Variants in TMTC2 observed in about 807,000 individuals in gnomAD.
The protein encoded by TMTC2 is transmembrane O-mannosyltransferase targeting cadherins 2, also known as protein O-mannosyl-transferase TMTC2.
TMTC2 carries 43 observed loss-of-function variants against 82.4 expected under a neutral mutation model. The observed-to-expected ratio is 0.52, with a 90% CI of 0.41 to 0.67. The LOEUF (loss-of-function observed/expected upper bound fraction) is 0.67, where lower values mean the gene tolerates loss of function less well. Among genes scored for constraint, TMTC2 ranks in the 30% least tolerant of loss-of-function variants. The pLI is 0.00. For missense variants in TMTC2, 919 were observed against 1,012.4 expected (o/e 0.91, Z 1.25); for synonymous variants, 408 against 381.9 (o/e 1.07, Z -0.80).
At chr12:82,976,940 G>T (rs1878701721) in intron 7 of TMTC2, among the ~76,000 whole-genome samples, 1 of 151,994 alleles carries the variant, frequency 6.6e-6, no homozygotes, top group African/African-American at 2.4e-5. Context: ...TCAGGTATTT[G>T]TCAGCTATTT....
intron 1 of TMTC2, among the ~76,000 whole-genome samples, chr12:82,745,157 G>T (rs371216108): frequency 6.6e-6 from 1 of 152,034 alleles, no homozygotes; most frequent in South Asian, 2.1e-4. Context: ...CCTTCTCTTC[G>T]TGTGTGTGCC....
At chr12:82,889,284 G>T (rs1232447882) in intron 2 of TMTC2, among the ~76,000 whole-genome samples, 1 of 149,554 alleles carries the variant, frequency 6.7e-6, no homozygotes, top group African/African-American at 2.5e-5. Flanking sequence ...AAAAAAAAAA[G>T]TGTAGGAAAT....
intron 11 of TMTC2, among the ~76,000 whole-genome samples, chr12:83,124,563 CTT>C (rs61668693): frequency 3.0e-4 from 41 of 138,400 alleles, no homozygotes; most frequent in Non-Finnish European, 2.5e-4. Context: ...TTGTTGAAAT[CTT>C]TTTTTTTTTT....
chr12:82,776,615 G>GA (rs750550745), intron 1 of TMTC2, among the ~76,000 whole-genome samples: 15,169 of 87,104 alleles, frequency 0.17, 1,065 homozygotes, highest in Middle Eastern at 0.23. Context: ...TGTCTCTAAT[G>GA]AAAAAAAAAA....
At chr12:82,965,922 A>C in intron 6 of TMTC2, 178 bp downstream of exon 6, 1 of 643,662 alleles carries the variant, frequency 1.6e-6, no homozygotes, top group Admixed American at 3.0e-5. Context: ...TTTTTGATCA[A>C]ATTTGTTTAG....
intron 11 of TMTC2, among the ~76,000 whole-genome samples, chr12:83,089,936 T>A (rs1037285574): frequency 6.6e-6 from 1 of 152,206 alleles, no homozygotes; most frequent in East Asian, 1.9e-4. Flanking sequence ...AGTGCATATA[T>A]CCTATAATTG....
chr12:82,822,810 T>C (rs1869191747), intron 1 of TMTC2, among the ~76,000 whole-genome samples: 1 of 152,172 alleles, frequency 6.6e-6, no homozygotes, highest in Non-Finnish European at 1.5e-5. Flanking sequence ...TCTGGTGTAG[T>C]CATTTTGTGC....
chr12:83,032,155 T>G (rs572255302), intron 9 of TMTC2, among the ~76,000 whole-genome samples: 140 of 149,528 alleles, frequency 9.4e-4, no homozygotes, highest in East Asian at 6.1e-3. Context: ...AAATAGGAGG[T>G]TTTTTTTTCC....
intron 9 of TMTC2, among the ~76,000 whole-genome samples, chr12:83,031,754 A>G (rs1487974600): frequency 6.6e-6 from 1 of 152,230 alleles, no homozygotes; most frequent in Non-Finnish European, 1.5e-5. Flanking sequence ...AGCTAATAAA[A>G]ATAAATCAGT....
chr12:83,125,155 A>G (rs376940896), intron 11 of TMTC2, among the ~76,000 whole-genome samples: 3 of 152,330 alleles, frequency 2.0e-5, no homozygotes, highest in East Asian at 3.9e-4. Flanking sequence ...TGAGACATCC[A>G]TGGAGATCCC....
intron 1 of TMTC2, among the ~76,000 whole-genome samples, chr12:82,728,049 T>C (rs1332957639): frequency 6.6e-6 from 1 of 152,146 alleles, no homozygotes; most frequent in Non-Finnish European, 1.5e-5. Flanking sequence ...CTTCCTCTCT[T>C]ACACTGTTCT....
intron 4 of TMTC2, among the ~76,000 whole-genome samples, chr12:82,957,401 A>C (rs1381471244): frequency 6.6e-6 from 1 of 152,222 alleles, no homozygotes; most frequent in African/African-American, 2.4e-5. Context: ...GAGAAAGTTC[A>C]TAGTCCCAAA....
At chr12:82,699,371 G>A (rs1013542422) in intron 1 of TMTC2, among the ~76,000 whole-genome samples, 2 of 152,188 alleles carry the variant, frequency 1.3e-5, no homozygotes, top group Non-Finnish European at 2.9e-5. Context: ...GCCAACCTGA[G>A]TACTTCTTTC....
chr12:82,819,497 C>CTTTTTTTTTTTT (rs766912583), intron 1 of TMTC2, among the ~76,000 whole-genome samples: 4 of 118,282 alleles, frequency 3.4e-5, no homozygotes, highest in Non-Finnish European at 6.8e-5. Flanking sequence ...TTCTCTCTTT[C>CTTTTTTTTTTTT]TTTTTTTTTT....
chr12:82,926,431 CAG>C (rs1343210545), intron 3 of TMTC2, among the ~76,000 whole-genome samples: 1 of 152,202 alleles, frequency 6.6e-6, no homozygotes, highest in Non-Finnish European at 1.5e-5. Context: ...TTGAAGCTAA[CAG>C]AGATTGCTTC....
chr12:82,889,022 T>C (rs150956339), intron 2 of TMTC2, among the ~76,000 whole-genome samples: 2,950 of 152,232 alleles, frequency 0.019, 56 homozygotes, highest in Non-Finnish European at 0.027. Flanking sequence ...CTCACACGTG[T>C]AATCCCAGAA....
intron 9 of TMTC2, among the ~76,000 whole-genome samples, chr12:83,032,975 A>C (rs750698918): frequency 1.3e-5 from 2 of 152,224 alleles, no homozygotes; most frequent in African/African-American, 2.4e-5. Flanking sequence ...GTATTTTGGC[A>C]TACATACATT....
intron 8 of TMTC2, among the ~76,000 whole-genome samples, chr12:83,004,287 G>A (rs1379480194): frequency 6.6e-6 from 1 of 152,058 alleles, no homozygotes; most frequent in Non-Finnish European, 1.5e-5. Flanking sequence ...TCATTTTACT[G>A]GATTCCCTGG....
rs149173025 is a variant in TMTC2, at chr12:82,873,191, T to A, written c.654+15611T>A. Among the ~76,000 whole-genome samples the A allele has an allele frequency of 1.9e-4, 29 of 149,966 alleles. 2 individuals are homozygous for A. In the East Asian group the frequency reaches 5.4e-3, roughly 28 times the overall value. Reference sequence around the variant, plus strand: ...TTTGGAATGGAATTAAGGATAGGGATTTTGGCCCTGTTTCAAAGATGTTGT... The same window carrying A: ...TTTGGAATGGAATTAAGGATAGGGAATTTGGCCCTGTTTCAAAGATGTTGT... On this transcript the variant is annotated intron_variant, in intron 2 of 11. Coordinates refer to ENST00000321196, the MANE Select transcript of TMTC2 (RefSeq NM_152588.3).
Sources: allele counts gnomAD v4.1 joint callset (sites outside exome capture counted in the v4.1 genomes callset), GRCh38; gene constraint gnomAD v4.1.1; transcripts MANE v1.5; gene names NCBI Gene and HGNC (gene_info 2026-07-23, HGNC 2026-07-21).